Variants in CTNNA3 observed in about 807,000 individuals in gnomAD.
CTNNA3 encodes the protein catenin alpha 3, also known as catenin alpha-3.
CTNNA3 carries 76 observed loss-of-function variants against 95.7 expected under a neutral mutation model. That is an observed-to-expected ratio of 0.79 (90% CI 0.66 to 0.96). The LOEUF is 0.96. Ranked by LOEUF, CTNNA3 falls within the 40% of genes least tolerant of loss-of-function variation. The probability of loss-of-function intolerance (pLI) is 0.00; values close to 1 mark genes in which losing one functional copy is unlikely to be tolerated. For missense variants in CTNNA3, 1,191 were observed against 1,089.8 expected, an observed-to-expected ratio of 1.09 and a Z score of -1.31; for synonymous variants, 431 against 374.4, an observed-to-expected ratio of 1.15 and a Z score of -1.74.
intron 10 of CTNNA3, among the ~76,000 whole-genome samples, chr10:66,612,045 C>A (rs1044398046): frequency 1.3e-5 from 2 of 152,020 alleles, no homozygotes; most frequent in Non-Finnish European, 2.9e-5. Context: ...GTGTCCCTTT[C>A]TTAATTTTGT....
intron 3 of CTNNA3, among the ~76,000 whole-genome samples, chr10:67,557,812 C>G (rs1159308329): frequency 1.3e-5 from 2 of 152,178 alleles, no homozygotes; most frequent in Admixed American, 6.5e-5. Context: ...CACCATAGCT[C>G]TATTTTAGGT....
At chr10:66,157,740 G>A (rs978063711) in intron 13 of CTNNA3, among the ~76,000 whole-genome samples, 6 of 151,746 alleles carry the variant, frequency 4.0e-5, no homozygotes, top group Admixed American at 1.3e-4. Context: ...TTAAGGAATC[G>A]CCACACTGTT....
chr10:66,773,556 T>C (rs566746550), intron 8 of CTNNA3, among the ~76,000 whole-genome samples: 15 of 152,250 alleles, frequency 9.9e-5, no homozygotes, highest in African/African-American at 3.6e-4. Context: ...ACAGATGCCA[T>C]TTGACTGCCA....
At chr10:67,652,424 G>A (rs74786057) in intron 1 of CTNNA3, among the ~76,000 whole-genome samples, 2,005 of 152,258 alleles carry the variant, frequency 0.013, 15 homozygotes, top group Non-Finnish European at 0.022. Context: ...ACTCCTTTTG[G>A]ATGTATGTAC....
At chr10:67,507,456 C>A (rs1429875679) in intron 5 of CTNNA3, among the ~76,000 whole-genome samples, 1 of 151,440 alleles carries the variant, frequency 6.6e-6, no homozygotes. Context: ...TGAACCAGGA[C>A]CCAGGAGGCA....
intron 7 of CTNNA3, among the ~76,000 whole-genome samples, chr10:66,979,740 A>C (rs552785192): frequency 6.6e-6 from 1 of 152,318 alleles, no homozygotes; most frequent in African/African-American, 2.4e-5. Context: ...TGTTAGCTAT[A>C]ATCTACTTTA....
chr10:66,525,105 G>A (rs779093354), intron 10 of CTNNA3, among the ~76,000 whole-genome samples: 3 of 151,678 alleles, frequency 2.0e-5, no homozygotes, highest in Non-Finnish European at 2.9e-5. Context: ...ACAGGCAAAA[G>A]CAAAGTGTGG....
At chr10:66,904,691 T>C (rs1054869112) in intron 7 of CTNNA3, among the ~76,000 whole-genome samples, 1 of 151,836 alleles carries the variant, frequency 6.6e-6, no homozygotes, top group Non-Finnish European at 1.5e-5. Context: ...AACAACCCCA[T>C]CAAAAAGTGG....
At chr10:67,086,418 A>G (rs1857311075) in intron 7 of CTNNA3, among the ~76,000 whole-genome samples, 1 of 152,060 alleles carries the variant, frequency 6.6e-6, no homozygotes, top group Admixed American at 6.6e-5. Flanking sequence ...GAAGTTGAAG[A>G]GAAATTCAAT....
At chr10:66,854,743 A>AT (rs34752190) in intron 7 of CTNNA3, among the ~76,000 whole-genome samples, 68,898 of 147,880 alleles carry the variant, frequency 0.47, 16,435 homozygotes, top group Non-Finnish European at 0.53. Context: ...AGAAAATGTC[A>AT]TTTTTTTTTT....
chr10:65,926,040 A>C (rs551322708), intron 17 of CTNNA3, among the ~76,000 whole-genome samples: 1 of 149,702 alleles, frequency 6.7e-6, no homozygotes, highest in South Asian at 2.1e-4. Flanking sequence ...TAGATGTATT[A>C]TATAATATAT....
chr10:66,804,817 T>G (rs977967562), intron 7 of CTNNA3, among the ~76,000 whole-genome samples: 4 of 151,944 alleles, frequency 2.6e-5, no homozygotes, highest in African/African-American at 4.8e-5. Context: ...ATAGCAGGAG[T>G]GAGGCTCCTT....
At chr10:67,131,332 A>G (rs1003402540) in intron 7 of CTNNA3, among the ~76,000 whole-genome samples, 1 of 152,156 alleles carries the variant, frequency 6.6e-6, no homozygotes, top group African/African-American at 2.4e-5. Context: ...TAAAATGGAG[A>G]CAATAATAGC....
chr10:66,511,539 T>C (rs1840659601), intron 11 of CTNNA3, among the ~76,000 whole-genome samples: 2 of 151,704 alleles, frequency 1.3e-5, no homozygotes, highest in African/African-American at 2.4e-5. Flanking sequence ...CTGTGTTCCA[T>C]AGGTTTTTTG....
chr10:66,139,941 G>A (rs1468003778), intron 13 of CTNNA3, among the ~76,000 whole-genome samples: 1 of 152,188 alleles, frequency 6.6e-6, no homozygotes, highest in Non-Finnish European at 1.5e-5. Context: ...GGATCAACTG[G>A]GTATGTGGCA....
chr10:67,012,788 GT>G (rs1440144295), intron 7 of CTNNA3, among the ~76,000 whole-genome samples: 1 of 152,036 alleles, frequency 6.6e-6, no homozygotes, highest in East Asian at 1.9e-4. Context: ...GAATTCACGA[GT>G]GTTTGTTAAA....
At chr10:66,839,580 A>G (rs970837937) in intron 7 of CTNNA3, among the ~76,000 whole-genome samples, 2 of 152,088 alleles carry the variant, frequency 1.3e-5, no homozygotes, top group African/African-American at 2.4e-5. Flanking sequence ...ATAGTACTTA[A>G]TGTCCCCAGA....
rs532917688 is a variant in CTNNA3, at chr10:66,331,375, A to T, written c.1732+47777T>A. ...TTTTTTTTTTTTTTTTTTTTTTGAG[A>T]CGGAGTTTTGCTCTGTCGCCCAGGC... On this transcript the variant is annotated intron_variant, in intron 12 of 17. Transcript: ENST00000433211. Among the ~76,000 whole-genome samples, 184 of 50,794 alleles carry T rather than the reference A, an allele frequency of 3.6e-3. 2 individuals are homozygous for T. The South Asian group carries it at 0.037, about 10-fold the overall frequency. The allele number at this position is 50,794 out of a possible 152,430, so 33.3% of individuals were successfully genotyped here.
rs116215594 is a variant in CTNNA3, at chr10:65,931,970, G to A, written c.2401-11353C>T. On this transcript the variant is annotated intron_variant, in intron 17 of 17. Coordinates refer to ENST00000433211, the MANE Select transcript of CTNNA3 (RefSeq NM_013266.4). ...CCAGGAGAAGCAAGAAGCCATGTGT[G>A]GTTTTTAATCACTGTGATGTTGGTC... Among the ~76,000 whole-genome samples the A allele has an allele frequency of 3.5e-3, 534 of 152,264 alleles. 5 individuals are homozygous for A. The highest frequency in any genetic ancestry group is 0.012 in the African/African-American group (488 of 41,544).
Sources: allele counts gnomAD v4.1 joint callset (sites outside exome capture counted in the v4.1 genomes callset), GRCh38; gene constraint gnomAD v4.1.1; transcripts MANE v1.5; gene names NCBI Gene and HGNC (gene_info 2026-07-23, HGNC 2026-07-21).